The following TP63 variants were observed in gnomAD, a reference collection of about 807,000 sequenced individuals.
The protein encoded by TP63 is tumor protein p63, also known as tumor protein 63.
In TP63, 17 loss-of-function variants were observed where a neutral mutation model predicts 82.8. That is an observed-to-expected ratio of 0.21 (90% CI 0.14 to 0.31). TP63 has a LOEUF of 0.31. Among genes scored for constraint, TP63 ranks in the 10% least tolerant of loss-of-function variants. The pLI, the probability that TP63 is intolerant of heterozygous loss-of-function variation, is 1.00. For missense variants in TP63, 648 were observed against 895.3 expected (o/e 0.72, Z 3.52); for synonymous variants, 330 against 321.7 (o/e 1.03, Z -0.28).
rs537390945 is a variant in TP63 at position 189,850,460 on chromosome 3, C to T, written c.580-13772C>T. ...GTACTCCTCCATTCTATCTCATTTCCCTTCTTTCAGCCATTAAAATGAATA... is the reference window on the plus strand; with the variant it reads ...GTACTCCTCCATTCTATCTCATTTCTCTTCTTTCAGCCATTAAAATGAATA... On this transcript the variant is annotated intron_variant, in intron 4 of 13. Transcript: ENST00000264731. Among the ~76,000 whole-genome samples the T allele has an allele frequency of 5.9e-5, 9 of 152,136 alleles. No individual in the cohort carries two copies. The East Asian group carries it at 1.7e-3, about 29-fold the overall frequency.
At chr3:189,729,430 A>G (rs1720001232) in intron 1 of TP63, among the ~76,000 whole-genome samples, 2 of 152,224 alleles carry the variant, frequency 1.3e-5, no homozygotes. Flanking sequence ...ATGGTCAGTC[A>G]GGAGAGAAAA....
chr3:189,829,376 A>T (rs1711944564), intron 4 of TP63, among the ~76,000 whole-genome samples: 1 of 152,212 alleles, frequency 6.6e-6, no homozygotes, highest in South Asian at 2.1e-4. Flanking sequence ...TATTCTGAAA[A>T]CTAGACCCAT....
At chr3:189,670,469 GTTATAAA>G (rs757165322) in intron 1 of TP63, among the ~76,000 whole-genome samples, 1 of 151,996 alleles carries the variant, frequency 6.6e-6, no homozygotes, top group African/African-American at 2.4e-5. Flanking sequence ...GGAGTCTAAT[GTTATAAA>G]TTATAAATCA....
chr3:189,718,704 A>G (rs1719147351), intron 1 of TP63, among the ~76,000 whole-genome samples: 1 of 152,026 alleles, frequency 6.6e-6, no homozygotes, highest in Admixed American at 6.6e-5. Context: ...TGTTAAAGAA[A>G]CATGTAAACA....
At chr3:189,830,576 T>C (rs1431661503) in intron 4 of TP63, among the ~76,000 whole-genome samples, 7 of 152,216 alleles carry the variant, frequency 4.6e-5, no homozygotes, top group Non-Finnish European at 1.0e-4. Flanking sequence ...TTTACTTGTT[T>C]TACACAAGTA....
At chr3:189,653,016 A>G (rs1197800429) in intron 1 of TP63, among the ~76,000 whole-genome samples, 4 of 122,564 alleles carry the variant, frequency 3.3e-5, no homozygotes, top group African/African-American at 1.3e-4. Flanking sequence ...CAGTGTGATA[A>G]TGGACTAATA....
chr3:189,765,573 C>T (rs116781660), intron 3 of TP63, among the ~76,000 whole-genome samples: 3,783 of 151,470 alleles, frequency 0.025, 183 homozygotes, highest in African/African-American at 0.085. Flanking sequence ...GCTGGGACTA[C>T]AGGTGCCCAC....
chr3:189,844,176 T>C (rs1432997970), intron 4 of TP63: 1 of 378,652 alleles, frequency 2.6e-6, no homozygotes, highest in Non-Finnish European at 5.1e-6. Flanking sequence ...CCTTTTTCTT[T>C]TTTTTTTTTC....
At chr3:189,790,269 G>A (rs1482879749) in intron 3 of TP63, among the ~76,000 whole-genome samples, 1 of 151,928 alleles carries the variant, frequency 6.6e-6, no homozygotes, top group Non-Finnish European at 1.5e-5. Context: ...CATCCTAAAA[G>A]CAAATGAAGC....
At chr3:189,597,535 A>C in the TP63 span, among the ~76,000 whole-genome samples, 1 of 152,252 alleles carries the variant, frequency 6.6e-6, no homozygotes. Context: ...AATGTGGTAA[A>C]AATAGAATCA....
chr3:189,853,400 A>G (rs1336380305), intron 4 of TP63, among the ~76,000 whole-genome samples: 2 of 152,152 alleles, frequency 1.3e-5, no homozygotes, highest in Non-Finnish European at 2.9e-5. Context: ...CTACCACTGC[A>G]GGCTTTGCTT....
intron 3 of TP63, among the ~76,000 whole-genome samples, chr3:189,750,012 TAC>T (rs1721683808): frequency 6.6e-6 from 1 of 151,166 alleles, no homozygotes; most frequent in Admixed American, 6.6e-5. Context: ...TAGTCCCAGC[TAC>T]TCAGGAGGCT....
chr3:189,751,693 T>C, intron 3 of TP63, among the ~76,000 whole-genome samples: 1 of 152,238 alleles, frequency 6.6e-6, no homozygotes, highest in Non-Finnish European at 1.5e-5. Context: ...TAAATTTGTT[T>C]GAGTTCTTTG....
At chr3:189,777,433 G>A (rs1299189605) in intron 3 of TP63, among the ~76,000 whole-genome samples, 1 of 152,100 alleles carries the variant, frequency 6.6e-6, no homozygotes, top group East Asian at 1.9e-4. Flanking sequence ...CTGACCTCAG[G>A]TGATCCACCC....
At chr3:189,608,247 G>T in the TP63 span, among the ~76,000 whole-genome samples, 1 of 152,184 alleles carries the variant, frequency 6.6e-6, no homozygotes, top group African/African-American at 2.4e-5. Flanking sequence ...TATTTATTTA[G>T]TATAACATCA....
chr3:189,660,068 T>C (rs550982970), intron 1 of TP63, among the ~76,000 whole-genome samples: 2 of 152,128 alleles, frequency 1.3e-5, no homozygotes, highest in East Asian at 3.8e-4. Context: ...TAGGTTCCAC[T>C]TGTCAATTTT....
intron 4 of TP63, among the ~76,000 whole-genome samples, chr3:189,828,463 A>G (rs546920097): frequency 3.9e-5 from 6 of 152,314 alleles, no homozygotes; most frequent in Admixed American, 3.9e-4. Context: ...AAACTAGTTG[A>G]ATGATATATT....
At chr3:189,627,898 A>C (rs1430946517), upstream of TP63, among the ~76,000 whole-genome samples, 1 of 152,186 alleles carries the variant, frequency 6.6e-6, no homozygotes, top group East Asian at 1.9e-4. Flanking sequence ...CTCATAAAGT[A>C]ACTCTAAGAG....
the TP63 span, among the ~76,000 whole-genome samples, chr3:189,625,079 A>G: frequency 6.6e-6 from 1 of 152,212 alleles, no homozygotes; most frequent in Non-Finnish European, 1.5e-5. Context: ...AGAGATGGAT[A>G]ATAATATTAA....
Sources: gnomAD v4.1 joint callset for allele counts (sites outside exome capture counted in the v4.1 genomes callset) on GRCh38, gnomAD v4.1.1 for gene constraint, MANE v1.5 for transcripts, NCBI Gene and HGNC (gene_info 2026-07-23, HGNC 2026-07-21) for gene names.